ZNF146: variants seen among roughly 807,000 people sequenced by gnomAD.
The protein encoded by ZNF146 is zinc finger protein 146, also known as zinc finger protein OZF.
Under a neutral mutation model 22.2 loss-of-function variants are expected in ZNF146, and 9 were observed. The observed-to-expected ratio is 0.41, with a 90% CI of 0.24 to 0.71. The LOEUF (loss-of-function observed/expected upper bound fraction) is 0.71, where lower values mean the gene tolerates loss of function less well. Among genes scored for constraint, ZNF146 ranks in the 30% least tolerant of loss-of-function variants. The pLI is 0.34. For synonymous variants in ZNF146, 108 were observed against 119.2 expected (o/e 0.91, Z 0.61); for missense variants, 194 against 344.8 (o/e 0.56, Z 3.46).
intron 3 of ZNF146, among the ~76,000 whole-genome samples, chr19:36,232,768 C>T (rs974581455): frequency 2.0e-5 from 3 of 152,004 alleles, no homozygotes; most frequent in Admixed American, 6.6e-5. Context: ...GCCACCACAT[C>T]CAGCTAATTT....
At chr19:36,232,609 C>CTTTTTTTT (rs548903056) in intron 3 of ZNF146, among the ~76,000 whole-genome samples, 2 of 140,078 alleles carry the variant, frequency 1.4e-5, no homozygotes, top group South Asian at 2.2e-4. Flanking sequence ...TTTCTTTTTT[C>CTTTTTTTT]TTTTTTTTTT....
At chr19:36,221,482 G>T (rs899468512) in intron 2 of ZNF146, among the ~76,000 whole-genome samples, 1 of 151,758 alleles carries the variant, frequency 6.6e-6, no homozygotes, top group Non-Finnish European at 1.5e-5. Context: ...TAGAGACGAG[G>T]TTTCACCATG....
At chr19:36,223,338 G>A (rs1411256261) in intron 2 of ZNF146, among the ~76,000 whole-genome samples, 1 of 138,366 alleles carries the variant, frequency 7.2e-6, no homozygotes, top group Non-Finnish European at 1.6e-5. Flanking sequence ...GTGAGACTCC[G>A]TCTCAAAAAA....
chr19:36,236,915 A>G lies in ZNF146; in HGVS notation c.475A>G (p.Ser159Gly), dbSNP rs1301828379. Reference sequence around the variant, plus strand: ...TATTGGAGAGAAGCCTTTTAAATGTAGTGAATGTGGAACAGCCTTTGGCCA... The same window carrying G: ...TATTGGAGAGAAGCCTTTTAAATGTGGTGAATGTGGAACAGCCTTTGGCCA... ...IHIGEKPFKC[S>G]ECGTAFGQKK... The change falls in exon 4 of 4, where the codon AGT becomes GGT. Residue 159 changes from serine to glycine, a missense_variant. By Grantham distance (56) the Ser-to-Gly change is moderately conservative. Transcript: ENST00000443387. 2.5e-6 allele frequency: 4 copies of G among 1,614,072 alleles called. No homozygotes were observed. In the Admixed American group the frequency reaches 5.0e-5, roughly 20 times the overall value.
At chr19:36,228,469 A>G (rs1977180692) in intron 2 of ZNF146, 1 of 152,244 alleles carries the variant, frequency 6.6e-6, no homozygotes. Context: ...TCTGAAAGGT[A>G]ATTCTCCCTT....
intron 2 of ZNF146, among the ~76,000 whole-genome samples, chr19:36,224,363 C>A (rs1457932297): frequency 6.6e-6 from 1 of 152,102 alleles, no homozygotes; most frequent in Non-Finnish European, 1.5e-5. Flanking sequence ...GCCTGGGCAA[C>A]AAGAGCCAAA....
intron 2 of ZNF146, among the ~76,000 whole-genome samples, chr19:36,227,717 G>C (rs367943270): frequency 2.0e-5 from 3 of 152,246 alleles, no homozygotes; most frequent in South Asian, 4.1e-4. Flanking sequence ...ATTGCGCCCA[G>C]CTAATTTTGT....
At chr19:36,214,951 G>A (rs1275777097), upstream of ZNF146, 1 of 152,724 alleles carries the variant, frequency 6.5e-6, no homozygotes. Context: ...AGGAGACAGA[G>A]AGTCGACCAG....
At chr19:36,225,939 T>A (rs1414392008) in intron 2 of ZNF146, among the ~76,000 whole-genome samples, 9 of 151,862 alleles carry the variant, frequency 5.9e-5, no homozygotes, top group African/African-American at 2.2e-4. Flanking sequence ...ATTTTTGGAT[T>A]TGAATTTTTT....
intron 2 of ZNF146, among the ~76,000 whole-genome samples, chr19:36,221,344 A>G (rs1006707018): frequency 5.5e-5 from 7 of 128,148 alleles, no homozygotes; most frequent in African/African-American, 2.2e-4. Context: ...GCTGGAGTGC[A>G]GTGGCGCAAT....
At chr19:36,226,444 A>G (rs1422048219) in intron 2 of ZNF146, among the ~76,000 whole-genome samples, 1 of 152,190 alleles carries the variant, frequency 6.6e-6, no homozygotes, top group Non-Finnish European at 1.5e-5. Flanking sequence ...ATGCTTTTTT[A>G]TATGATTACA....
chr19:36,229,808 C>T (rs373785615), intron 3 of ZNF146, among the ~76,000 whole-genome samples: 1 of 152,224 alleles, frequency 6.6e-6, no homozygotes, highest in African/African-American at 2.4e-5. Flanking sequence ...CAACCTCCGC[C>T]TCCTGGGGTC....
intron 3 of ZNF146, among the ~76,000 whole-genome samples, chr19:36,234,377 T>G (rs1977551190): frequency 6.6e-6 from 1 of 151,966 alleles, no homozygotes; most frequent in Admixed American, 6.6e-5. Context: ...AAAAGGGAGC[T>G]CTCCCATATA....
chr19:36,218,854 G>C lies in ZNF146; in HGVS notation c.-855+659G>C, dbSNP rs1458193308. ...GACAGAGTCTCGGTTTGTCGCCCAG[G>C]CTGGAGTGCAGTGGTGCTATCTTGG... On this transcript the variant is annotated intron_variant, in intron 2 of 3. Transcript: ENST00000443387. Among the ~76,000 whole-genome samples the C allele has an allele frequency of 4.0e-5, 6 of 150,322 alleles. No homozygotes were observed. The East Asian group carries it at 1.2e-3, about 30-fold the overall frequency.
chr19:36,216,002 A>G (rs921105572), intron 1 of ZNF146, among the ~76,000 whole-genome samples: 20 of 152,186 alleles, frequency 1.3e-4, no homozygotes, highest in Admixed American at 6.5e-4. Flanking sequence ...GGAGAATGCT[A>G]CTGACGTCTC....
At chr19:36,227,267 T>G (rs1359607951) in intron 2 of ZNF146, among the ~76,000 whole-genome samples, 2 of 150,868 alleles carry the variant, frequency 1.3e-5, no homozygotes, top group African/African-American at 4.9e-5. Context: ...CGCATGCCTG[T>G]AATCCCAGCT....
At chr19:36,228,356 C>T (rs1483402105) in intron 2 of ZNF146, 2 of 152,124 alleles carry the variant, frequency 1.3e-5, no homozygotes, top group Non-Finnish European at 2.9e-5. Flanking sequence ...CGAATAAGGG[C>T]TGTAGTTAAA....
rs1389367692 is a variant in ZNF146, at chr19:36,238,296, T to TA, written c.*979dup. The TA allele has an allele frequency of 1.1e-4, 18 of 167,112 alleles. No homozygotes were observed. Among genetic ancestry groups the TA allele is most frequent in the Non-Finnish European group, 5.9e-5 (4 of 68,128 alleles). 10.4% of individuals were successfully genotyped at this position (167,112 alleles called of 1,614,324 possible). ...CATAAAACTCAGTACTATCTATTGG[T>TA]AATGGATGCATATATGTATGTACAT... On this transcript the variant is annotated 3_prime_UTR_variant, in exon 4 of 4. Coordinates refer to ENST00000443387, the MANE Select transcript of ZNF146 (RefSeq NM_007145.3).
chr19:36,221,281 C>T (rs1379311810), intron 2 of ZNF146, among the ~76,000 whole-genome samples: 1 of 137,912 alleles, frequency 7.3e-6, no homozygotes, highest in Non-Finnish European at 1.5e-5. Context: ...GGTTAAGGGA[C>T]TGCTTTTTTT....
Sources: gnomAD v4.1 joint callset for allele counts (sites outside exome capture counted in the v4.1 genomes callset) on GRCh38, gnomAD v4.1.1 for gene constraint, MANE v1.5 for transcripts, NCBI Gene and HGNC (gene_info 2026-07-23, HGNC 2026-07-21) for gene names.